The following NOLC1 variants were observed in gnomAD, a reference collection of about 807,000 sequenced individuals.
NOLC1 encodes nucleolar and coiled-body phosphoprotein 1, also known as 140 kDa nucleolar phosphoprotein.
A neutral mutation model predicts 73.4 loss-of-function variants in NOLC1; 37 were observed. That is an observed-to-expected ratio of 0.50 (90% CI 0.39 to 0.66). NOLC1 has a LOEUF of 0.66. Ranked by LOEUF, NOLC1 falls within the 30% of genes least tolerant of loss-of-function variation. NOLC1 has a pLI of 0.00. For synonymous variants in NOLC1, 327 were observed against 302.6 expected (o/e 1.08, Z -0.84); for missense variants, 921 against 838.9 (o/e 1.10, Z -1.21).
Position 102,157,177 on chromosome 10 carries a change from C to T in NOLC1, c.177-12C>T. ...CCAGTCCCCTAGAAATTGGTCCAAT[C>T]TACCTCAGCAGGTCTGCCAAGGTCC... is the stretch of plus-strand genomic sequence containing the variant. On this transcript the variant is annotated splice_polypyrimidine_tract_variant and intron_variant, in intron 2 of 12. Coordinates refer to ENST00000605788, the MANE Select transcript of NOLC1 (RefSeq NM_004741.5). 1 of 1,614,044 alleles carries T rather than the reference C, an allele frequency of 6.2e-7. No homozygotes were observed. Among genetic ancestry groups the T allele is most frequent in the Non-Finnish European group, 8.5e-7 (1 of 1,179,942 alleles).
chr10:102,159,309 G>T lies in NOLC1; in HGVS notation c.723+1G>T. 3.1e-6 allele frequency: 5 copies of T among 1,614,112 alleles called. No homozygotes were observed. Among genetic ancestry groups the T allele is most frequent in the Non-Finnish European group, 4.2e-6 (5 of 1,179,982 alleles). ...GAAGGCAGCAGCCACCCCCAAGAAG[G>T]TCTGGACCATAACTTCTGTCAGGGC... On this transcript the variant is annotated splice_donor_variant, in intron 6 of 12. Coordinates refer to ENST00000605788, the MANE Select transcript of NOLC1 (RefSeq NM_004741.5). LOFTEE classifies it high-confidence loss of function.
At chr10:102,161,968 A>G in intron 12 of NOLC1, 43 bp downstream of exon 12, 1 of 1,601,490 alleles carries the variant, frequency 6.2e-7, no homozygotes, top group Non-Finnish European at 8.6e-7. Flanking sequence ...GAGGATGGGT[A>G]GTGTCAGAGA....
rs1315980468 is a variant in NOLC1 at position 102,157,323 on chromosome 10, A to C, written c.311A>C (p.Lys104Thr). The C allele has an allele frequency of 1.9e-6, 3 of 1,613,766 alleles. No homozygotes were observed. Among genetic ancestry groups the C allele is most frequent in the East Asian group, 2.2e-5 (1 of 44,896 alleles). ...GAAGTTCAAGGGCCTCCAGCAAAGA[A>C]GGCTGGTAAGGCAGAGTAGCAGGTG... ...EEEVQGPPAK[K>T]AAVPAKRVGL... Residue 104 changes from lysine to threonine, a missense_variant, in exon 3 of 13, where the codon AAG (lysine) becomes ACG (threonine). Coordinates refer to ENST00000605788, the MANE Select transcript of NOLC1 (RefSeq NM_004741.5).
chr10:102,152,567 T>G (rs1490285684), intron 1 of NOLC1, 37 bp downstream of exon 1: 1 of 1,611,944 alleles, frequency 6.2e-7, no homozygotes, highest in African/African-American at 1.3e-5. Context: ...CGGGCTGAGA[T>G]GACCACAAGG....
chr10:102,161,421 A>G (rs2069707846), intron 10 of NOLC1, 135 bp from the exon 11 acceptor site: 1 of 675,358 alleles, frequency 1.5e-6, no homozygotes, highest in Non-Finnish European at 2.5e-6. Flanking sequence ...TTATAGAGAC[A>G]GAATCTCACT....
At chr10:102,154,530 T>G (rs926073202) in intron 1 of NOLC1, among the ~76,000 whole-genome samples, 1 of 152,022 alleles carries the variant, frequency 6.6e-6, no homozygotes, top group Non-Finnish European at 1.5e-5. Context: ...ATTTACTCTT[T>G]TTTGGACCAC....
chr10:102,162,266 G>C lies in NOLC1; in HGVS notation c.2097G>C (p.Glu699Asp), dbSNP rs1590383239. Reference protein sequence around the residue: ...VQVNSIKFDSE With the variant: ...VQVNSIKFDSD ...TCAATTCTATTAAGTTTGACAGCGAGTGACCTGAGGCCATCTTCGGTGAAG... is the reference window on the plus strand; with the variant it reads ...TCAATTCTATTAAGTTTGACAGCGACTGACCTGAGGCCATCTTCGGTGAAG... Residue 699 changes from glutamate to aspartate, a missense_variant, in exon 13 of 13, where the codon GAG (glutamate) becomes GAC (aspartate). Coordinates refer to ENST00000605788, the MANE Select transcript of NOLC1 (RefSeq NM_004741.5). 1 of 1,613,714 alleles carries C rather than the reference G, an allele frequency of 6.2e-7. No individual in the cohort carries two copies. Among genetic ancestry groups the C allele is most frequent in the East Asian group, 2.2e-5 (1 of 44,868 alleles).
In NOLC1 at chr10:102,157,206, A is replaced by G; in HGVS notation, c.194A>G (p.Glu65Gly). The G allele has an allele frequency of 6.2e-7, 1 of 1,614,218 alleles. No individual in the cohort carries two copies. The highest frequency in any genetic ancestry group is 8.5e-7 in the Non-Finnish European group (1 of 1,180,032). Residue 65 changes from glutamate (E) to glycine (G), a missense_variant, in exon 3 of 13, where the codon GAG becomes GGG. Coordinates refer to ENST00000605788, the MANE Select transcript of NOLC1 (RefSeq NM_004741.5). ...SFWLKSAKVP[E>G]RKLQANGPVA... ...CTCAGCAGGTCTGCCAAGGTCCCAG[A>G]GCGAAAGTTACAGGCAAATGGACCA...
Position 102,159,532 on chromosome 10 carries a change from G to A in NOLC1, c.823G>A (p.Glu275Lys), listed in dbSNP as rs1365827889. The A allele has an allele frequency of 3.1e-6, 5 of 1,614,124 alleles. No individual in the cohort carries two copies. Among genetic ancestry groups the A allele is most frequent in the Non-Finnish European group, 4.2e-6 (5 of 1,180,008 alleles). ...CAGTGAGGATTCCTCCAGTGACGAG[G>A]AAGAGGAGCAAAAAAAACCCATGAA... ...SSSEDSSSDE[E>K]EEQKKPMKNK... The change falls in exon 7 of 13, where the codon GAA becomes AAA. Residue 275 changes from glutamate (E) to lysine (K), a missense_variant. Transcript: ENST00000605788.
At chr10:102,158,269 G>A in intron 5 of NOLC1, 55 bp downstream of exon 5, 2 of 1,536,376 alleles carry the variant, frequency 1.3e-6, no homozygotes, top group Non-Finnish European at 1.8e-6. Flanking sequence ...TCTGGGGACT[G>A]GAGTTAAAAT....
chr10:102,157,083 T>C lies in NOLC1; in HGVS notation c.176+9T>C. 4 of 1,614,132 alleles carry C rather than the reference T, an allele frequency of 2.5e-6. No homozygotes were observed. The highest frequency in any genetic ancestry group is 3.4e-6 in the Non-Finnish European group (4 of 1,179,952). ...TATAGCTTCTGGCTCAAGTAAGCCT[T>C]TCCTGTTCCATTTTGGCTATTTTCT... On this transcript the variant is annotated intron_variant, in intron 2 of 12. Coordinates refer to ENST00000605788, the MANE Select transcript of NOLC1 (RefSeq NM_004741.5).
At position 102,161,623 on chromosome 10, in the gene NOLC1, AAAGCTT is replaced by A. The variant is rs1564972854; in HGVS notation, c.1810_1815del (p.Lys604_Leu605del). 6.2e-7 allele frequency: 1 copy of A among 1,613,950 alleles called. No homozygotes were observed. Among genetic ancestry groups the A allele is most frequent in the Non-Finnish European group, 8.5e-7 (1 of 1,179,958 alleles). ...CAGAGACTCCTCAGGCCAAGAAGAT[AAAGCTT>A]CAGACCCCTAACACATTTCCAAAAA... On this transcript the variant is annotated inframe_deletion, in exon 11 of 13. Transcript: ENST00000605788.
Position 102,162,399 on chromosome 10 carries a change from C to A in NOLC1, c.*130C>A. ...CAGAAGTTTAGAGTAGGTCCTAAGA[C>A]TTTACAGTGTAACATCCTCTCTGGT... On this transcript the variant is annotated 3_prime_UTR_variant, in exon 13 of 13. Coordinates refer to ENST00000605788, the MANE Select transcript of NOLC1 (RefSeq NM_004741.5). The A allele has an allele frequency of 1.1e-6, 1 of 913,946 alleles. No individual in the cohort carries two copies. The allele number at this position is 913,946 out of a possible 1,614,324, so 56.6% of individuals were successfully genotyped here.
intron 1 of NOLC1, among the ~76,000 whole-genome samples, chr10:102,156,215 C>T (rs150305363): frequency 6.6e-6 from 1 of 152,300 alleles, no homozygotes; most frequent in African/African-American, 2.4e-5. Flanking sequence ...TGTTTGTACC[C>T]TCAAGTAATG....
At position 102,160,361 on chromosome 10, in the gene NOLC1, C is replaced by T. The variant is rs776471929; in HGVS notation, c.1099+18C>T. The T allele has an allele frequency of 1.5e-5, 25 of 1,613,584 alleles. No homozygotes were observed. The highest frequency in any genetic ancestry group is 2.1e-5 in the Non-Finnish European group (25 of 1,179,566). On this transcript the variant is annotated intron_variant, in intron 9 of 12. Coordinates refer to ENST00000605788, the MANE Select transcript of NOLC1 (RefSeq NM_004741.5). ...CAGCTCAGGTAAGGCATATGGAGGCCCTCAGTTCAGTGAGATGCTCTCAGG... is the reference window on the plus strand; with the variant it reads ...CAGCTCAGGTAAGGCATATGGAGGCTCTCAGTTCAGTGAGATGCTCTCAGG...
rs749758827 is a variant in NOLC1 at position 102,158,091 on chromosome 10, A to G, written c.484A>G (p.Lys162Glu). The change falls in exon 5 of 13, where the codon AAG (lysine) becomes GAG (glutamate). Residue 162 changes from lysine to glutamate, a missense_variant. By Grantham distance (56) the Lys-to-Glu change is moderately conservative. Coordinates refer to ENST00000605788, the MANE Select transcript of NOLC1 (RefSeq NM_004741.5). ...AGCCAAGGCAGCCAAAGCTCCTCCTAAGAAGGCCAAGAGCTCTGATTCTGA... is the reference window on the plus strand; with the variant it reads ...AGCCAAGGCAGCCAAAGCTCCTCCTGAGAAGGCCAAGAGCTCTGATTCTGA... ...PQAKAAKAPP[K>E]KAKSSDSDSD... 1.2e-6 allele frequency: 2 copies of G among 1,614,084 alleles called. No individual in the cohort carries two copies. Among genetic ancestry groups the G allele is most frequent in the South Asian group, 2.2e-5 (2 of 91,078 alleles).
chr10:102,153,160 G>C (rs2069534558), intron 1 of NOLC1, among the ~76,000 whole-genome samples: 1 of 152,120 alleles, frequency 6.6e-6, no homozygotes, highest in African/African-American at 2.4e-5. Context: ...TTAGATACGT[G>C]ACCCGGGCAG....
intron 1 of NOLC1, among the ~76,000 whole-genome samples, chr10:102,154,963 C>T (rs1007327975): frequency 6.6e-5 from 10 of 152,100 alleles, no homozygotes; most frequent in Non-Finnish European, 1.0e-4. Context: ...TCAGGCAATC[C>T]TCCTGCCTCA....
intron 1 of NOLC1, among the ~76,000 whole-genome samples, chr10:102,154,378 C>T (rs866624254): frequency 6.6e-6 from 1 of 152,024 alleles, no homozygotes; most frequent in Admixed American, 6.6e-5. Flanking sequence ...CCACCGCACC[C>T]GGCCAACATG....
Sources: gnomAD v4.1 joint callset for allele counts (sites outside exome capture counted in the v4.1 genomes callset) on GRCh38, gnomAD v4.1.1 for gene constraint, MANE v1.5 for transcripts, NCBI Gene and HGNC (gene_info 2026-07-23, HGNC 2026-07-21) for gene names.